The following VAT1L variants were observed in gnomAD, a reference collection of about 807,000 sequenced individuals.
VAT1L encodes putative NADPH-dependent quinone oxidoreductase VAT1L.
Under a neutral mutation model 44.1 loss-of-function variants are expected in VAT1L, and 34 were observed. The ratio of observed to expected loss-of-function variants is 0.77; its 90% CI spans 0.59 to 1.03. The LOEUF (loss-of-function observed/expected upper bound fraction) is 1.03, where lower values mean the gene tolerates loss of function less well. Ranked by LOEUF, VAT1L falls within the 50% of genes least tolerant of loss-of-function variation. The pLI is 0.00. For missense variants in VAT1L, 615 were observed against 538.8 expected, an observed-to-expected ratio of 1.14 and a Z score of -1.40; for synonymous variants, 253 against 202.2, an observed-to-expected ratio of 1.25 and a Z score of -2.13.
Position 77,809,958 on chromosome 16 carries a change from A to G in VAT1L, c.234-6963A>G, listed in dbSNP as rs572145403. Among the ~76,000 whole-genome samples, 89 of 152,300 alleles carry G rather than the reference A, an allele frequency of 5.8e-4. 1 individual carries two copies. Among genetic ancestry groups the G allele is most frequent in the African/African-American group, 1.9e-3 (77 of 41,550 alleles). On this transcript the variant is annotated intron_variant, in intron 1 of 8. Coordinates refer to ENST00000302536, the MANE Select transcript of VAT1L (RefSeq NM_020927.3). The stretch of plus-strand genomic sequence containing the variant: ...TAGAAGCTCGTGTCATGATAACCAC[A>G]TTTTCACAGGCTACAAATCCAGGAG...
chr16:77,968,120 A>G (rs75294452), intron 7 of VAT1L, among the ~76,000 whole-genome samples: 12,526 of 152,204 alleles, frequency 0.082, 563 homozygotes, highest in Middle Eastern at 0.11. Context: ...CCCACCCCCA[A>G]CAAACTTAGA....
intron 3 of VAT1L, among the ~76,000 whole-genome samples, chr16:77,837,516 ACTGAT>A (rs907606446): frequency 6.6e-6 from 1 of 152,202 alleles, no homozygotes; most frequent in Non-Finnish European, 1.5e-5. Flanking sequence ...TATCCCAACC[ACTGAT>A]CTCAGTACCC....
intron 7 of VAT1L, among the ~76,000 whole-genome samples, chr16:77,902,908 G>T (rs1165779904): frequency 6.9e-6 from 1 of 145,178 alleles, no homozygotes; most frequent in African/African-American, 2.5e-5. Context: ...GGGCGGCTGA[G>T]ATTTCAGTGA....
intron 7 of VAT1L, among the ~76,000 whole-genome samples, chr16:77,970,330 C>A (rs1407595290): frequency 6.6e-6 from 1 of 152,136 alleles, no homozygotes; most frequent in Admixed American, 6.5e-5. Flanking sequence ...AATATGTTAC[C>A]AGACTGACGC....
intron 7 of VAT1L, among the ~76,000 whole-genome samples, chr16:77,897,678 T>G (rs2017338578): frequency 6.6e-6 from 1 of 152,168 alleles, no homozygotes; most frequent in Non-Finnish European, 1.5e-5. Flanking sequence ...TTTCACCATG[T>G]TGGCCAGGCT....
At chr16:77,947,903 G>A (rs752260994) in intron 7 of VAT1L, among the ~76,000 whole-genome samples, 8 of 152,108 alleles carry the variant, frequency 5.3e-5, no homozygotes, top group Non-Finnish European at 1.2e-4. Context: ...AGGATTACAG[G>A]CATGTGCCAC....
chr16:77,950,608 T>TTAA (rs758397998), intron 7 of VAT1L, among the ~76,000 whole-genome samples: 7 of 152,198 alleles, frequency 4.6e-5, no homozygotes, highest in Admixed American at 6.5e-5. Flanking sequence ...TCTTATCATG[T>TTAA]TAATGAGAAA....
intron 7 of VAT1L, among the ~76,000 whole-genome samples, chr16:77,899,630 T>C (rs1567502345): frequency 6.6e-6 from 1 of 152,244 alleles, no homozygotes; most frequent in Non-Finnish European, 1.5e-5. Context: ...CCCTAGCACA[T>C]TCACATGTGT....
intron 7 of VAT1L, among the ~76,000 whole-genome samples, chr16:77,955,261 T>G (rs547002363): frequency 5.3e-5 from 8 of 152,246 alleles, no homozygotes; most frequent in African/African-American, 1.4e-4. Flanking sequence ...TAAGGGACAT[T>G]TGGCAATGCC....
In VAT1L at chr16:77,978,938, T is replaced by G. The variant is rs1402813169; in HGVS notation, c.*1243T>G. 6.6e-6 allele frequency: 1 copy of G among 152,198 alleles called. No homozygotes were observed. Among genetic ancestry groups the G allele is most frequent in the Admixed American group, 6.5e-5 (1 of 15,280 alleles). 9.4% of individuals were successfully genotyped at this position (152,198 alleles called of 1,614,324 possible). ...GCTCCTCACCCCGTCCTTCCAGTCC[T>G]TTTGGCTAAAATGCTTAACTATCAC... is the stretch of plus-strand genomic sequence containing the variant. On this transcript the variant is annotated 3_prime_UTR_variant, in exon 9 of 9. Coordinates refer to ENST00000302536, the MANE Select transcript of VAT1L (RefSeq NM_020927.3).
intron 4 of VAT1L, 141 bp downstream of exon 4, chr16:77,863,031 A>G: frequency 9.7e-7 from 1 of 1,026,900 alleles, no homozygotes; most frequent in South Asian, 1.8e-5. Context: ...TCTGTGCCAA[A>G]TATTTCACAC....
At chr16:77,894,577 C>A (rs1018296634) in intron 7 of VAT1L, among the ~76,000 whole-genome samples, 1 of 152,108 alleles carries the variant, frequency 6.6e-6, no homozygotes, top group African/African-American at 2.4e-5. Context: ...TGGAGAGGAA[C>A]TGCTGATGGG....
intron 3 of VAT1L, among the ~76,000 whole-genome samples, chr16:77,830,777 G>A (rs1005987806): frequency 7.2e-5 from 11 of 152,132 alleles, no homozygotes; most frequent in Non-Finnish European, 1.3e-4. Context: ...TCTGCCTCCC[G>A]GGTTAAAGGG....
chr16:77,955,844 G>A (rs1451161605), intron 7 of VAT1L, among the ~76,000 whole-genome samples: 7 of 151,768 alleles, frequency 4.6e-5, no homozygotes, highest in South Asian at 2.1e-4. Flanking sequence ...AATACCCAGC[G>A]TCCTACATCC....
intron 7 of VAT1L, among the ~76,000 whole-genome samples, chr16:77,905,829 A>T (rs2017431256): frequency 6.6e-6 from 1 of 152,206 alleles, no homozygotes; most frequent in Admixed American, 6.5e-5. Flanking sequence ...AAAAATAGTC[A>T]CTAAAAAGAG....
At chr16:77,866,937 G>A (rs906576941) in intron 4 of VAT1L, among the ~76,000 whole-genome samples, 1 of 152,152 alleles carries the variant, frequency 6.6e-6, no homozygotes, top group East Asian at 1.9e-4. Flanking sequence ...GCACTTGAAG[G>A]TTGCGATCGA....
chr16:77,821,404 G>A (rs761486603), intron 2 of VAT1L, among the ~76,000 whole-genome samples: 4 of 151,414 alleles, frequency 2.6e-5, no homozygotes, highest in Non-Finnish European at 4.4e-5. Context: ...AGGTTCAAGC[G>A]ATTCTCCTGC....
At chr16:77,918,965 T>G (rs2017581438) in intron 7 of VAT1L, among the ~76,000 whole-genome samples, 1 of 152,134 alleles carries the variant, frequency 6.6e-6, no homozygotes, top group African/African-American at 2.4e-5. Flanking sequence ...CCATCCATCA[T>G]TCCTTCCTAT....
chr16:77,835,517 G>C (rs2016630010), intron 3 of VAT1L, among the ~76,000 whole-genome samples: 1 of 152,148 alleles, frequency 6.6e-6, no homozygotes, highest in South Asian at 2.1e-4. Flanking sequence ...CTCAGAGCTA[G>C]AAGGGAATTA....
Sources: gnomAD v4.1 joint callset for allele counts (sites outside exome capture counted in the v4.1 genomes callset) on GRCh38, gnomAD v4.1.1 for gene constraint, MANE v1.5 for transcripts, NCBI Gene and HGNC (gene_info 2026-07-23, HGNC 2026-07-21) for gene names.